Variants in MCPH1 observed in about 807,000 individuals in gnomAD.
MCPH1 encodes microcephalin.
A neutral mutation model predicts 84.5 loss-of-function variants in MCPH1; 104 were observed. The ratio of observed to expected loss-of-function variants is 1.23; its 90% CI spans 1.05 to 1.45. The LOEUF (loss-of-function observed/expected upper bound fraction) is 1.45. MCPH1 is among the 40% of genes most tolerant of loss of function. The probability of loss-of-function intolerance (pLI) is 0.00; values close to 1 mark genes in which losing one functional copy is unlikely to be tolerated. For missense variants in MCPH1, 1,498 were observed against 1,005.7 expected (o/e 1.49, Z -6.62); for synonymous variants, 514 against 366.8 (o/e 1.40, Z -4.58).
intron 13 of MCPH1, among the ~76,000 whole-genome samples, chr8:6,632,240 G>C (rs1342740507): frequency 6.6e-6 from 1 of 152,180 alleles, no homozygotes; most frequent in Admixed American, 6.5e-5. Flanking sequence ...TGGATAATGA[G>C]AACATTCTAG....
At chr8:6,519,719 C>T (rs1000299448) in intron 12 of MCPH1, 16 of 966,162 alleles carry the variant, frequency 1.7e-5, no homozygotes, top group African/African-American at 1.3e-4. Flanking sequence ...GCACTCTAGG[C>T]GAGGTAGCTG....
intron 12 of MCPH1, chr8:6,562,578 T>TTTTTTTTTTTTTTTTAA (rs1825726218): frequency 1.8e-4 from 156 of 880,142 alleles, no homozygotes; most frequent in Non-Finnish European, 2.3e-4. Context: ...TTTTGGTTGT[T>TTTTTTTTTTTTTTTTAA]AAAACCTGAG....
At chr8:6,626,650 C>T (rs1047443684) in intron 13 of MCPH1, 76 of 984,534 alleles carry the variant, frequency 7.7e-5, no homozygotes, top group Non-Finnish European at 9.2e-5. Context: ...TTGCATTTTC[C>T]CCCCAACACT....
intron 12 of MCPH1, among the ~76,000 whole-genome samples, chr8:6,542,917 A>C (rs958385118): frequency 3.9e-5 from 6 of 152,218 alleles, no homozygotes; most frequent in Non-Finnish European, 7.3e-5. Context: ...ATTTTCTAGA[A>C]GACATTTTCC....
rs1805548795 is a variant in MCPH1 at position 6,455,239 on chromosome 8, G to T, written c.1922G>T (p.Gly641Val). 6.2e-7 allele frequency: 1 copy of T among 1,612,192 alleles called. No homozygotes were observed. Among genetic ancestry groups the T allele is most frequent in the South Asian group, 1.1e-5 (1 of 91,052 alleles). The part of the protein sequence containing the change: ...IKPHEELKKS[G>V]RGKKPTRTLV... The stretch of plus-strand genomic sequence containing the variant: ...CCTCATGAGGAATTGAAGAAAAGTG[G>T]GAGAGGCAAAAAGGTCAGTGTGTAA... The change falls in exon 9 of 14, where the codon GGG (glycine) becomes GTG (valine). Residue 641 changes from glycine to valine, a missense_variant. Physicochemically the swap from Gly to Val is moderately radical, Grantham distance 109. Coordinates refer to ENST00000344683, the MANE Select transcript of MCPH1 (RefSeq NM_024596.5).
intron 2 of MCPH1, among the ~76,000 whole-genome samples, chr8:6,412,063 C>T (rs1485080314): frequency 6.6e-6 from 1 of 152,108 alleles, no homozygotes; most frequent in African/African-American, 2.4e-5. Context: ...ACTTAAGAGG[C>T]GCTCACCACC....
Position 6,438,974 on chromosome 8 carries a change from T to C in MCPH1, c.458T>C (p.Leu153Ser). 1 of 1,612,380 alleles carries C rather than the reference T, an allele frequency of 6.2e-7. No homozygotes were observed. Residue 153 changes from leucine to serine, a missense_variant, in exon 6 of 14, where the codon TTA (leucine) becomes TCA (serine). Coordinates refer to ENST00000344683, the MANE Select transcript of MCPH1 (RefSeq NM_024596.5). Reference protein sequence around the residue: ...TNLDDDVPILLFESNGSLIYT... With the variant: ...TNLDDDVPILSFESNGSLIYT... The stretch of plus-strand genomic sequence containing the variant: ...TCAGATGATGATGTACCTATTCTCT[T>C]ATTTGAATCTAATGGTTCATTAATA...
At chr8:6,415,737 ATTGT>A (rs1799187682) in intron 3 of MCPH1, among the ~76,000 whole-genome samples, 1 of 152,074 alleles carries the variant, frequency 6.6e-6, no homozygotes, top group African/African-American at 2.4e-5. Context: ...CATTTTCAAG[ATTGT>A]TTGGCTATTT....
intron 12 of MCPH1, among the ~76,000 whole-genome samples, chr8:6,525,795 A>C (rs961984824): frequency 2.6e-5 from 4 of 152,212 alleles, no homozygotes; most frequent in Non-Finnish European, 5.9e-5. Flanking sequence ...ATCTGTGACA[A>C]AAAAATACGA....
intron 13 of MCPH1, chr8:6,626,703 A>T (rs991278144): frequency 2.0e-6 from 2 of 984,986 alleles, no homozygotes; most frequent in Non-Finnish European, 2.4e-6. Context: ...CGAAACGAAG[A>T]CCCTGGGGTC....
chr8:6,499,940 T>C lies in MCPH1; in HGVS notation c.2214+11T>C. 3 of 1,610,798 alleles carry C rather than the reference T, an allele frequency of 1.9e-6. No homozygotes were observed. The highest frequency in any genetic ancestry group is 2.5e-6 in the Non-Finnish European group (3 of 1,177,276). ...TTCCCTGCAGCTCCCGTAAGTCAGA[T>C]GTTGTTTTACGATGGTAAATGCAGT... On this transcript the variant is annotated intron_variant, in intron 12 of 13. Transcript: ENST00000344683.
intron 13 of MCPH1, among the ~76,000 whole-genome samples, chr8:6,632,645 T>C (rs1245864722): frequency 2.0e-5 from 3 of 151,920 alleles, no homozygotes; most frequent in African/African-American, 7.3e-5. Context: ...CCATCTCTAC[T>C]AAAAATACAA....
At chr8:6,615,713 T>A (rs1438313165) in intron 12 of MCPH1, 1 of 152,228 alleles carries the variant, frequency 6.6e-6, no homozygotes, top group African/African-American at 2.4e-5. Flanking sequence ...GCGTAACCAC[T>A]AATTATAAGA....
chr8:6,514,828 C>A lies in MCPH1; in HGVS notation c.2214+14899C>A, dbSNP rs775621159. 51 of 1,514,556 alleles carry A rather than the reference C, an allele frequency of 3.4e-5. No individual in the cohort carries two copies. The Admixed American group carries it at 7.6e-4, about 22-fold the overall frequency. The allele number at this position is 1,514,556 out of a possible 1,614,324, so 93.8% of individuals were successfully genotyped here. A position where few individuals can be genotyped will look rare whatever the true frequency, so the allele number is the denominator to read the frequency against. ...AGTGACAGAGCCCCCCCACTCCCCC[C>A]TTACGTAGCAGAAGCAGGAGGAATG... On this transcript the variant is annotated intron_variant, in intron 12 of 13. Transcript: ENST00000344683.
intron 3 of MCPH1, among the ~76,000 whole-genome samples, chr8:6,425,031 G>A (rs1291331264): frequency 6.6e-6 from 1 of 152,242 alleles, no homozygotes; most frequent in African/African-American, 2.4e-5. Context: ...CACAAGAGTA[G>A]CATAAAGAAT....
At chr8:6,564,768 A>T (rs1212085130) in intron 12 of MCPH1, among the ~76,000 whole-genome samples, 3 of 152,232 alleles carry the variant, frequency 2.0e-5, no homozygotes, top group Non-Finnish European at 2.9e-5. Flanking sequence ...TGACTTTCTC[A>T]TCCTCAGAAA....
chr8:6,497,325 AAAAC>A (rs1811349024), intron 11 of MCPH1, among the ~76,000 whole-genome samples: 1 of 149,730 alleles, frequency 6.7e-6, no homozygotes, highest in Admixed American at 6.6e-5. Context: ...CTACCAAAAA[AAAAC>A]AAAAAAAAAG....
chr8:6,487,044 C>T (rs1314777565), intron 11 of MCPH1, among the ~76,000 whole-genome samples: 1 of 152,164 alleles, frequency 6.6e-6, no homozygotes, highest in Non-Finnish European at 1.5e-5. Flanking sequence ...GTCACTCTGT[C>T]CAGCACAGTG....
intron 11 of MCPH1, among the ~76,000 whole-genome samples, chr8:6,486,312 C>G (rs73661780): frequency 1.3e-5 from 2 of 152,038 alleles, no homozygotes; most frequent in African/African-American, 2.4e-5. Context: ...CTCGCTCTCT[C>G]GCTCTCTCGT....
Sources: gnomAD v4.1 joint callset for allele counts (sites outside exome capture counted in the v4.1 genomes callset) on GRCh38, gnomAD v4.1.1 for gene constraint, MANE v1.5 for transcripts, NCBI Gene and HGNC (gene_info 2026-07-23, HGNC 2026-07-21) for gene names.